The following DYM variants were observed in gnomAD, a reference collection of about 807,000 sequenced individuals.
DYM encodes the protein dymeclin.
DYM carries 78 observed loss-of-function variants against 93.1 expected under a neutral mutation model. The observed-to-expected ratio is 0.84, with a 90% CI of 0.70 to 1.01. DYM has a LOEUF of 1.01. Among genes scored for constraint, DYM ranks in the 50% least tolerant of loss-of-function variants. The pLI is 0.00. For synonymous variants in DYM, 321 were observed against 319.7 expected (o/e 1.00, Z -0.04); for missense variants, 789 against 845.0 (o/e 0.93, Z 0.82).
At chr18:49,074,783 G>A (rs149356462) in intron 17 of DYM, among the ~76,000 whole-genome samples, 265 of 152,318 alleles carry the variant, frequency 1.7e-3, no homozygotes, top group African/African-American at 5.7e-3. Context: ...TAAATATTCC[G>A]CAAAGCACAT....
chr18:49,371,089 T>C (rs1423016351), intron 5 of DYM, among the ~76,000 whole-genome samples: 2 of 152,208 alleles, frequency 1.3e-5, no homozygotes, highest in African/African-American at 4.8e-5. Context: ...GGCCTGAACC[T>C]GAGACTCCAC....
intron 5 of DYM, among the ~76,000 whole-genome samples, chr18:49,376,566 T>C (rs942998520): frequency 9.9e-5 from 15 of 152,244 alleles, no homozygotes; most frequent in Admixed American, 2.6e-4. Context: ...TCTTGCCTGC[T>C]AAATGTTCTG....
At chr18:49,228,446 T>C (rs566090518) in intron 13 of DYM, among the ~76,000 whole-genome samples, 61 of 152,236 alleles carry the variant, frequency 4.0e-4, no homozygotes, top group Non-Finnish European at 5.4e-4. Flanking sequence ...AACCCCACAA[T>C]TTGGACATTT....
intron 16 of DYM, among the ~76,000 whole-genome samples, chr18:49,115,716 G>C (rs971593596): frequency 4.6e-5 from 7 of 152,162 alleles, no homozygotes; most frequent in African/African-American, 1.7e-4. Context: ...GAGCTTGAAA[G>C]AGATACATTA....
intron 8 of DYM, among the ~76,000 whole-genome samples, chr18:49,317,494 TTAAC>T (rs1209459598): frequency 6.8e-6 from 1 of 148,088 alleles, no homozygotes. Context: ...CCAAAAGTCT[TTAAC>T]TAAAACAATC....
At chr18:49,286,413 T>C (rs751127266) in intron 9 of DYM, 21 bp downstream of exon 9, 6 of 1,613,320 alleles carry the variant, frequency 3.7e-6, no homozygotes, top group African/African-American at 1.3e-5. Flanking sequence ...CAAAGAATAT[T>C]AGAGAAAAAA....
chr18:49,380,409 T>A (rs538345914), intron 3 of DYM, among the ~76,000 whole-genome samples: 1 of 152,326 alleles, frequency 6.6e-6, no homozygotes, highest in South Asian at 2.1e-4. Context: ...AGTTTTCTCA[T>A]CTGTAAAAGA....
At chr18:49,336,936 T>G (rs1326859679) in intron 6 of DYM, among the ~76,000 whole-genome samples, 4 of 152,188 alleles carry the variant, frequency 2.6e-5, no homozygotes, top group Admixed American at 2.6e-4. Flanking sequence ...AAATCTTTCT[T>G]ACTATAATAT....
intron 2 of DYM, among the ~76,000 whole-genome samples, chr18:49,408,168 C>T (rs755703070): frequency 9.9e-5 from 15 of 151,138 alleles, no homozygotes; most frequent in Non-Finnish European, 2.1e-4. Flanking sequence ...TTTGCATGAA[C>T]AATATTATGT....
At chr18:49,417,302 C>A (rs905881298) in intron 2 of DYM, among the ~76,000 whole-genome samples, 4 of 151,862 alleles carry the variant, frequency 2.6e-5, no homozygotes, top group African/African-American at 9.7e-5. Context: ...GCATAAGCCA[C>A]CGAGCTCAGC....
At chr18:49,361,685 G>C (rs2147334337) in intron 6 of DYM, among the ~76,000 whole-genome samples, 1 of 152,078 alleles carries the variant, frequency 6.6e-6, no homozygotes, top group Admixed American at 6.5e-5. Flanking sequence ...TGTCAAACAA[G>C]GCTTCTCAGG....
At chr18:49,459,434 C>T (rs1197296014) in intron 1 of DYM, among the ~76,000 whole-genome samples, 1 of 152,152 alleles carries the variant, frequency 6.6e-6, no homozygotes, top group Non-Finnish European at 1.5e-5. Flanking sequence ...TTCACCCATT[C>T]CTATAGATTC....
intron 14 of DYM, among the ~76,000 whole-genome samples, chr18:49,166,617 TA>T (rs978669528): frequency 2.7e-5 from 4 of 150,572 alleles, no homozygotes; most frequent in Admixed American, 6.6e-5. Context: ...AAAAAAAAGG[TA>T]AAAAAATTGG....
intron 17 of DYM, among the ~76,000 whole-genome samples, chr18:49,091,745 T>A (rs115460193): frequency 0.01 from 1,575 of 152,152 alleles, 26 homozygotes; most frequent in African/African-American, 0.036. Flanking sequence ...TTTATTTATT[T>A]ATTTATTTTG....
At chr18:49,067,450 G>GTGTTATGGAGGTT (rs2076545188) in intron 17 of DYM, among the ~76,000 whole-genome samples, 1 of 34,340 alleles carries the variant, frequency 2.9e-5, no homozygotes, top group Non-Finnish European at 6.1e-5. Context: ...GGTGATGTGA[G>GTGTTATGGAGGTT]CACTATGGAA....
Position 49,163,667 on chromosome 18 carries a change from A to G in DYM, c.1728+18T>C, listed in dbSNP as rs1286974917. The G allele has an allele frequency of 6.4e-7, 1 of 1,570,424 alleles. No individual in the cohort carries two copies. The highest frequency in any genetic ancestry group is 2.3e-5 in the East Asian group (1 of 44,270). On this transcript the variant is annotated intron_variant, in intron 15 of 17. Transcript: ENST00000675505. ...CTGAAAGGAAAATTTTTTATTGATG[A>G]ATAAGGTAACTACTTACATAATCTG...
intron 17 of DYM, among the ~76,000 whole-genome samples, chr18:49,073,014 T>C (rs531159410): frequency 2.6e-5 from 4 of 152,330 alleles, no homozygotes; most frequent in African/African-American, 9.6e-5. Context: ...CAAAATATCC[T>C]TGGCATTCAG....
At position 49,092,136 on chromosome 18, in the gene DYM, G is replaced by A. The variant is rs141323387; in HGVS notation, c.2025+5266C>T. ...GTAAAATGTATTTTTTGCTGTGGGT[G>A]GCAGTCTAAAGAGTTTGAAAACCAC... is the stretch of plus-strand genomic sequence containing the variant. On this transcript the variant is annotated intron_variant, in intron 17 of 17. Coordinates refer to ENST00000675505, the MANE Select transcript of DYM (RefSeq NM_001353214.3). 1.4e-3 allele frequency among the ~76,000 whole-genome samples: 206 copies of A among 152,172 alleles called. 1 individual carries two copies. Among genetic ancestry groups the A allele is most frequent in the African/African-American group, 4.9e-3 (203 of 41,518 alleles).
intron 8 of DYM, among the ~76,000 whole-genome samples, chr18:49,312,692 G>C (rs2061673895): frequency 6.6e-6 from 1 of 152,158 alleles, no homozygotes; most frequent in South Asian, 2.1e-4. Context: ...CGCTGAACAT[G>C]GGTACAAGCT....
Sources: gnomAD v4.1 joint callset for allele counts (sites outside exome capture counted in the v4.1 genomes callset) on GRCh38, gnomAD v4.1.1 for gene constraint, MANE v1.5 for transcripts, NCBI Gene and HGNC (gene_info 2026-07-23, HGNC 2026-07-21) for gene names.